The following TET1 variants were observed in gnomAD, a reference collection of about 807,000 sequenced individuals.
TET1 encodes the protein tet methylcytosine dioxygenase 1, also known as methylcytosine dioxygenase TET1.
A neutral mutation model predicts 148.7 loss-of-function variants in TET1; 13 were observed. The observed-to-expected ratio is 0.09, with a 90% CI of 0.06 to 0.14. TET1 has a LOEUF of 0.14. Ranked by LOEUF, TET1 falls within the 10% of genes least tolerant of loss-of-function variation. The pLI, the probability that TET1 is intolerant of heterozygous loss-of-function variation, is 1.00. For missense variants in TET1, 2,182 were observed against 2,553.8 expected (o/e 0.85, Z 3.14); for synonymous variants, 907 against 937.2 (o/e 0.97, Z 0.59).
chr10:68,615,493 C>T (rs2054277975), intron 3 of TET1, among the ~76,000 whole-genome samples: 1 of 151,232 alleles, frequency 6.6e-6, no homozygotes, highest in African/African-American at 2.4e-5. Flanking sequence ...CTGCAGGCAC[C>T]CACCACTACG....
chr10:68,627,044 G>A (rs945529704), intron 3 of TET1, among the ~76,000 whole-genome samples: 1 of 151,960 alleles, frequency 6.6e-6, no homozygotes, highest in Non-Finnish European at 1.5e-5. Context: ...AGGCCGAGGC[G>A]GTGGATCACC....
chr10:68,639,689 A>G (rs917170883), intron 3 of TET1, among the ~76,000 whole-genome samples: 2 of 151,958 alleles, frequency 1.3e-5, no homozygotes, highest in African/African-American at 4.8e-5. Flanking sequence ...TCAAACTTCA[A>G]GCATGCTGGA....
intron 3 of TET1, among the ~76,000 whole-genome samples, chr10:68,623,391 G>A (rs985368508): frequency 2.6e-5 from 4 of 152,128 alleles, no homozygotes; most frequent in Non-Finnish European, 5.9e-5. Context: ...TAGGACTGTT[G>A]GATAGAAGGG....
intron 4 of TET1, among the ~76,000 whole-genome samples, chr10:68,647,288 A>G (rs564052934): frequency 5.9e-5 from 9 of 152,182 alleles, no homozygotes; most frequent in Non-Finnish European, 1.3e-4. Flanking sequence ...ATGTCTGTCA[A>G]TTTATCGTGC....
intron 4 of TET1, among the ~76,000 whole-genome samples, chr10:68,647,884 T>G (rs1026283653): frequency 6.6e-6 from 1 of 152,250 alleles, no homozygotes; most frequent in Non-Finnish European, 1.5e-5. Context: ...TGTCTTTTTT[T>G]GTCCAAAGAG....
intron 6 of TET1, among the ~76,000 whole-genome samples, chr10:68,655,355 C>G (rs1182587975): frequency 3.3e-5 from 5 of 152,052 alleles, no homozygotes; most frequent in Non-Finnish European, 7.4e-5. Context: ...TCCATAGTAC[C>G]TTGTATATTT....
intron 6 of TET1, among the ~76,000 whole-genome samples, chr10:68,661,610 A>G (rs1164516736): frequency 1.3e-5 from 2 of 151,364 alleles, no homozygotes; most frequent in African/African-American, 4.9e-5. Flanking sequence ...CAGCCTCCCA[A>G]GGAGCTGAAA....
intron 3 of TET1, among the ~76,000 whole-genome samples, chr10:68,623,431 C>T (rs966482076): frequency 1.7e-4 from 26 of 152,134 alleles, no homozygotes; most frequent in Non-Finnish European, 1.5e-5. Flanking sequence ...CATACTGTTT[C>T]GAGGTAGTTA....
intron 4 of TET1, among the ~76,000 whole-genome samples, chr10:68,651,462 G>A (rs1350490454): frequency 6.6e-6 from 1 of 151,986 alleles, no homozygotes; most frequent in Non-Finnish European, 1.5e-5. Context: ...AAAAAAAAAG[G>A]GGATTGCTCA....
chr10:68,623,544 G>A (rs1056212313), intron 3 of TET1, among the ~76,000 whole-genome samples: 1 of 152,180 alleles, frequency 6.6e-6, no homozygotes, highest in Non-Finnish European at 1.5e-5. Flanking sequence ...GCCCTTGAAG[G>A]TCTCTTCTAC....
rs773605594 is a variant in TET1 at position 68,595,983 on chromosome 10, T to TACACACAC, written c.1915-4960_1915-4953dup. On this transcript the variant is annotated intron_variant, in intron 2 of 11. Coordinates refer to ENST00000373644, the MANE Select transcript of TET1 (RefSeq NM_030625.3). ...ATATACACACACACACACACATATA[T>TACACACAC]ACACACACACACACACACACACACA... 6.0e-4 allele frequency among the ~76,000 whole-genome samples: 30 copies of TACACACAC among 50,420 alleles called. 1 individual carries two copies. The highest frequency in any genetic ancestry group is 4.5e-3 in the South Asian group (6 of 1,330). The allele number at this position is 50,420 out of a possible 152,430, so 33.1% of individuals were successfully genotyped here.
intron 1 of TET1, among the ~76,000 whole-genome samples, chr10:68,565,475 A>AAATATAT (rs1388182777): frequency 4.0e-4 from 52 of 129,228 alleles, no homozygotes; most frequent in Admixed American, 2.1e-3. Flanking sequence ...AAAAAAAAAA[A>AAATATAT]ATATATATAT....
chr10:68,581,102 A>G (rs763590102), intron 2 of TET1, among the ~76,000 whole-genome samples: 3 of 152,190 alleles, frequency 2.0e-5, no homozygotes, highest in Non-Finnish European at 4.4e-5. Flanking sequence ...TCCTCGGATA[A>G]GTGAAAACAA....
At chr10:68,639,394 C>T (rs1316934679) in intron 3 of TET1, among the ~76,000 whole-genome samples, 2 of 144,522 alleles carry the variant, frequency 1.4e-5, no homozygotes, top group African/African-American at 2.5e-5. Flanking sequence ...TGCACTCCAG[C>T]TCGGGTGACA....
At chr10:68,563,777 G>A (rs1378897982) in intron 1 of TET1, among the ~76,000 whole-genome samples, 1 of 152,226 alleles carries the variant, frequency 6.6e-6, no homozygotes, top group African/African-American at 2.4e-5. Flanking sequence ...TGCCTCCGGG[G>A]TTCAAGCAGT....
At chr10:68,622,231 TCCCTTCCCTCCCTCCC>T (rs2054387281) in intron 3 of TET1, among the ~76,000 whole-genome samples, 1 of 71,842 alleles carries the variant, frequency 1.4e-5, no homozygotes, top group African/African-American at 5.9e-5. Context: ...CCCTCCTTCC[TCCCTTCCCTCCCTCCC>T]TCCCTCCTTC....
At chr10:68,623,510 CT>C (rs1163614481) in intron 3 of TET1, among the ~76,000 whole-genome samples, 3 of 152,226 alleles carry the variant, frequency 2.0e-5, no homozygotes, top group Non-Finnish European at 4.4e-5. Context: ...GAGTCCACCC[CT>C]GGCATCAGTA....
chr10:68,602,021 T>A (rs1245615505), intron 3 of TET1, among the ~76,000 whole-genome samples: 2 of 152,198 alleles, frequency 1.3e-5, no homozygotes, highest in Non-Finnish European at 2.9e-5. Flanking sequence ...AACTTGAAAA[T>A]GTTGACACGG....
At chr10:68,651,442 C>G (rs2054933835) in intron 4 of TET1, among the ~76,000 whole-genome samples, 1 of 151,734 alleles carries the variant, frequency 6.6e-6, no homozygotes, top group Middle Eastern at 3.2e-3. Context: ...CAGAGCAAGA[C>G]TCTGTCTCAA....
Sources: gnomAD v4.1 joint callset for allele counts (sites outside exome capture counted in the v4.1 genomes callset) on GRCh38, gnomAD v4.1.1 for gene constraint, MANE v1.5 for transcripts, NCBI Gene and HGNC (gene_info 2026-07-23, HGNC 2026-07-21) for gene names.